SH3BGRL2: variants seen among roughly 807,000 people sequenced by gnomAD.
SH3BGRL2 encodes SH3 domain-binding glutamic acid-rich-like protein 2.
In SH3BGRL2, 21 loss-of-function variants were observed where a neutral mutation model predicts 14.8. The ratio of observed to expected loss-of-function variants is 1.42; its 90% confidence interval spans 1.01 to 2.05. The LOEUF (loss-of-function observed/expected upper bound fraction) is 2.05. SH3BGRL2 is among the 30% of genes most tolerant of loss of function. The pLI is 0.00. For missense variants in SH3BGRL2, 147 were observed against 130.8 expected, an observed-to-expected ratio of 1.12 and a Z score of -0.61; for synonymous variants, 50 against 47.8, an observed-to-expected ratio of 1.05 and a Z score of -0.19.
At chr6:79,622,500 CTG>C in the SH3BGRL2 span, among the ~76,000 whole-genome samples, 1 of 152,208 alleles carries the variant, frequency 6.6e-6, no homozygotes, top group Non-Finnish European at 1.5e-5. Context: ...GCCCAAGATT[CTG>C]TGTCTCTGCA....
the SH3BGRL2 span, among the ~76,000 whole-genome samples, chr6:79,624,777 G>C: frequency 1.3e-5 from 2 of 151,934 alleles, no homozygotes; most frequent in Non-Finnish European, 2.9e-5. Flanking sequence ...TAAGAATAAG[G>C]TGCTGGGGGA....
chr6:79,647,755 T>A (rs1446979872), intron 1 of SH3BGRL2, among the ~76,000 whole-genome samples: 3 of 152,118 alleles, frequency 2.0e-5, no homozygotes, highest in Non-Finnish European at 4.4e-5. Flanking sequence ...TTCTAAAAAA[T>A]TTTACTTATT....
At chr6:79,568,273 A>G in the SH3BGRL2 span, among the ~76,000 whole-genome samples, 2 of 152,204 alleles carry the variant, frequency 1.3e-5, no homozygotes, top group Non-Finnish European at 2.9e-5. Flanking sequence ...AGGTACTAAA[A>G]TATTTATTGC....
chr6:79,648,557 C>G (rs1769194474), intron 1 of SH3BGRL2, among the ~76,000 whole-genome samples: 2 of 151,648 alleles, frequency 1.3e-5, no homozygotes, highest in Non-Finnish European at 2.9e-5. Context: ...TCTTCCACCT[C>G]CCTCCATGCT....
At chr6:79,582,310 A>G in the SH3BGRL2 span, among the ~76,000 whole-genome samples, 2 of 152,250 alleles carry the variant, frequency 1.3e-5, no homozygotes, top group African/African-American at 4.8e-5. Context: ...GGAACCAAAA[A>G]AGAGCCCTCA....
At chr6:79,597,395 A>G in the SH3BGRL2 span, among the ~76,000 whole-genome samples, 1 of 104,380 alleles carries the variant, frequency 9.6e-6, no homozygotes, top group East Asian at 2.8e-4. Context: ...AGGAAGGAGG[A>G]AGGAAGGAAG....
chr6:79,697,467 G>T (rs1380114267), intron 3 of SH3BGRL2, among the ~76,000 whole-genome samples: 1 of 152,152 alleles, frequency 6.6e-6, no homozygotes, highest in Non-Finnish European at 1.5e-5. Flanking sequence ...TCTTAAAATA[G>T]TAGGTCTTTT....
intron 1 of SH3BGRL2, among the ~76,000 whole-genome samples, chr6:79,667,880 A>T (rs756568804): frequency 3.2e-4 from 49 of 152,120 alleles, no homozygotes; most frequent in Non-Finnish European, 4.7e-4. Context: ...ACTCTAAAAT[A>T]TATACTTCCC....
chr6:79,683,844 A>G (rs1335103827), intron 2 of SH3BGRL2, among the ~76,000 whole-genome samples: 1 of 152,002 alleles, frequency 6.6e-6, no homozygotes, highest in East Asian at 1.9e-4. Flanking sequence ...TCTTTAGTGG[A>G]TATATTTGAG....
chr6:79,577,144 A>G, the SH3BGRL2 span, among the ~76,000 whole-genome samples: 1 of 152,178 alleles, frequency 6.6e-6, no homozygotes, highest in African/African-American at 2.4e-5. Context: ...AAACAAAACT[A>G]TCTTGTCCCA....
chr6:79,676,861 C>T (rs1769895525), intron 2 of SH3BGRL2, among the ~76,000 whole-genome samples: 1 of 151,902 alleles, frequency 6.6e-6, no homozygotes, highest in African/African-American at 2.4e-5. Flanking sequence ...TGTATCTTTG[C>T]CCTTTGAAGT....
chr6:79,584,151 C>T, the SH3BGRL2 span, among the ~76,000 whole-genome samples: 8 of 152,128 alleles, frequency 5.3e-5, no homozygotes, highest in Admixed American at 1.3e-4. Flanking sequence ...TTCCAGCAAA[C>T]GTTTTATATT....
intron 1 of SH3BGRL2, among the ~76,000 whole-genome samples, chr6:79,653,795 G>A (rs1039238224): frequency 6.6e-6 from 1 of 152,214 alleles, no homozygotes; most frequent in African/African-American, 2.4e-5. Context: ...GCAGCAGCAG[G>A]TTTTGGGGTG....
At chr6:79,570,054 C>G in the SH3BGRL2 span, among the ~76,000 whole-genome samples, 18,291 of 152,158 alleles carry the variant, frequency 0.12, 1,229 homozygotes, top group African/African-American at 0.14. Flanking sequence ...CAATGGTTTT[C>G]ATGTCTACAA....
chr6:79,668,735 A>G (rs1414226476), intron 1 of SH3BGRL2, among the ~76,000 whole-genome samples: 1 of 152,080 alleles, frequency 6.6e-6, no homozygotes, highest in Non-Finnish European at 1.5e-5. Context: ...AAAACAAAAC[A>G]CTTCTTGTTT....
intron 2 of SH3BGRL2, among the ~76,000 whole-genome samples, chr6:79,684,779 G>A (rs1763014110): frequency 2.6e-5 from 4 of 152,106 alleles, no homozygotes; most frequent in Admixed American, 2.6e-4. Flanking sequence ...TATCCCACAG[G>A]TAGCATTTTC....
chr6:79,565,784 T>C, the SH3BGRL2 span, among the ~76,000 whole-genome samples: 2,062 of 152,332 alleles, frequency 0.014, 50 homozygotes, highest in African/African-American at 0.047. Context: ...AGTGCATATT[T>C]GAGAAATCCA....
intron 2 of SH3BGRL2, among the ~76,000 whole-genome samples, chr6:79,682,290 T>A (rs1292897426): frequency 6.6e-6 from 1 of 152,192 alleles, no homozygotes. Flanking sequence ...TTGCCTCTTT[T>A]TAATTTTTAT....
intron 1 of SH3BGRL2, among the ~76,000 whole-genome samples, chr6:79,664,350 T>C (rs910962832): frequency 6.6e-6 from 1 of 152,268 alleles, no homozygotes; most frequent in East Asian, 1.9e-4. Flanking sequence ...TGCCAGGCAC[T>C]GCACTAAGAA....
Sources: allele counts gnomAD v4.1 joint callset (sites outside exome capture counted in the v4.1 genomes callset), GRCh38; gene constraint gnomAD v4.1.1; transcripts MANE v1.5; gene names NCBI Gene and HGNC (gene_info 2026-07-23, HGNC 2026-07-21).